The following LRMDA variants were observed in gnomAD, a reference collection of about 807,000 sequenced individuals.
LRMDA encodes the protein leucine rich melanocyte differentiation associated, also known as leucine-rich melanocyte differentiation-associated protein.
Under a neutral mutation model 29.8 loss-of-function variants are expected in LRMDA, and 18 were observed. That is an observed-to-expected ratio of 0.60 (90% CI 0.42 to 0.90). The LOEUF (loss-of-function observed/expected upper bound fraction) is 0.90, where lower values mean the gene tolerates loss of function less well. Ranked by LOEUF, LRMDA falls within the 40% of genes least tolerant of loss-of-function variation. The probability of loss-of-function intolerance (pLI) is 0.00; values close to 1 mark genes in which losing one functional copy is unlikely to be tolerated. For synonymous variants in LRMDA, 125 were observed against 109.4 expected, an observed-to-expected ratio of 1.14 and a Z score of -0.89; for missense variants, 273 against 273.9, an observed-to-expected ratio of 1.00 and a Z score of 0.02.
intron 5 of LRMDA, among the ~76,000 whole-genome samples, chr10:76,297,957 TA>T (rs1840432172): frequency 6.6e-6 from 1 of 152,232 alleles, no homozygotes; most frequent in African/African-American, 2.4e-5. Context: ...TTTACCTTTT[TA>T]AAATGCAGCC....
chr10:75,806,821 A>AC (rs1286238724), intron 2 of LRMDA, among the ~76,000 whole-genome samples: 2 of 127,962 alleles, frequency 1.6e-5, no homozygotes, highest in African/African-American at 2.5e-5. Flanking sequence ...AAAAAAAAAA[A>AC]AAAAAACCAC....
intron 2 of LRMDA, among the ~76,000 whole-genome samples, chr10:75,664,940 G>T (rs1285525935): frequency 6.6e-6 from 1 of 152,198 alleles, no homozygotes; most frequent in East Asian, 1.9e-4. Context: ...CCCAGCACCT[G>T]TTGGGGATTT....
intron 2 of LRMDA, among the ~76,000 whole-genome samples, chr10:75,819,045 T>C (rs1481608598): frequency 6.6e-6 from 1 of 152,220 alleles, no homozygotes; most frequent in Non-Finnish European, 1.5e-5. Flanking sequence ...AGGCAAATTT[T>C]AGAAAATGCT....
chr10:76,470,725 G>A (rs111908709), intron 6 of LRMDA, among the ~76,000 whole-genome samples: 234 of 152,088 alleles, frequency 1.5e-3, no homozygotes, highest in African/African-American at 5.3e-3. Context: ...ATAGAATAGA[G>A]GTTAACAAGG....
At chr10:75,563,709 G>A (rs1358833278) in intron 2 of LRMDA, among the ~76,000 whole-genome samples, 1 of 151,836 alleles carries the variant, frequency 6.6e-6, no homozygotes, top group Non-Finnish European at 1.5e-5. Context: ...TGGATTTTTG[G>A]TGTGGATGTC....
intron 6 of LRMDA, among the ~76,000 whole-genome samples, chr10:76,444,999 A>G (rs1589190423): frequency 6.6e-6 from 1 of 152,100 alleles, no homozygotes; most frequent in East Asian, 1.9e-4. Flanking sequence ...AGGTATTCCC[A>G]TCGTATGTGC....
chr10:75,629,402 G>A (rs991699744), intron 2 of LRMDA, among the ~76,000 whole-genome samples: 1 of 151,994 alleles, frequency 6.6e-6, no homozygotes, highest in Admixed American at 6.5e-5. Context: ...CCTCAACTTT[G>A]TAATTTTAAA....
intron 6 of LRMDA, among the ~76,000 whole-genome samples, chr10:76,337,118 C>T (rs1361772602): frequency 4.6e-5 from 7 of 152,112 alleles, no homozygotes. Context: ...TAACATATTC[C>T]ATAGCCTCCA....
intron 2 of LRMDA, among the ~76,000 whole-genome samples, chr10:75,921,774 A>T (rs955419152): frequency 6.6e-6 from 1 of 152,310 alleles, no homozygotes; most frequent in Non-Finnish European, 1.5e-5. Context: ...TATTTTCAAG[A>T]TCTAAAATTT....
intron 2 of LRMDA, among the ~76,000 whole-genome samples, chr10:75,591,891 C>T (rs1257807917): frequency 1.3e-5 from 2 of 151,884 alleles, no homozygotes; most frequent in African/African-American, 4.8e-5. Flanking sequence ...ACGTATCAGT[C>T]AATTCATAAA....
intron 6 of LRMDA, among the ~76,000 whole-genome samples, chr10:76,430,884 T>A (rs1411010407): frequency 6.6e-6 from 1 of 152,314 alleles, no homozygotes; most frequent in Non-Finnish European, 1.5e-5. Flanking sequence ...TTTCTGAGTA[T>A]TTTTTCCATT....
intron 2 of LRMDA, among the ~76,000 whole-genome samples, chr10:75,649,807 A>G (rs552820538): frequency 6.6e-6 from 1 of 152,280 alleles, no homozygotes; most frequent in Admixed American, 6.5e-5. Flanking sequence ...GTGTGTGATG[A>G]TGGCCATCTC....
intron 2 of LRMDA, among the ~76,000 whole-genome samples, chr10:75,635,442 A>G (rs1841379353): frequency 6.6e-6 from 1 of 151,832 alleles, no homozygotes; most frequent in Non-Finnish European, 1.5e-5. Context: ...GGTGGTTTCT[A>G]TTTTCAAAGT....
intron 6 of LRMDA, among the ~76,000 whole-genome samples, chr10:76,445,830 T>C (rs562200406): frequency 3.3e-5 from 5 of 152,296 alleles, no homozygotes; most frequent in Middle Eastern, 6.8e-3. Context: ...TTTTTAAAAA[T>C]TAAGAAGTAA....
chr10:75,836,582 TTG>T (rs1206932481), intron 2 of LRMDA, among the ~76,000 whole-genome samples: 1 of 152,202 alleles, frequency 6.6e-6, no homozygotes, highest in Non-Finnish European at 1.5e-5. Flanking sequence ...AGGTTAAATC[TTG>T]TGTTTTTTTA....
At chr10:76,037,045 A>C (rs988524060) in intron 3 of LRMDA, among the ~76,000 whole-genome samples, 5 of 152,344 alleles carry the variant, frequency 3.3e-5, no homozygotes, top group Admixed American at 3.3e-4. Context: ...GGAATGAGGC[A>C]TGGTGCTGGG....
At chr10:75,597,420 C>T (rs1467739702) in intron 2 of LRMDA, among the ~76,000 whole-genome samples, 41 of 152,192 alleles carry the variant, frequency 2.7e-4, no homozygotes, top group Non-Finnish European at 1.6e-4. Flanking sequence ...CCAGTCTAAA[C>T]ATCTTGCTTT....
Position 76,559,934 on chromosome 10 carries a change from A to G in LRMDA, c.*2646A>G, listed in dbSNP as rs1224863050. 1 of 152,236 alleles carries G rather than the reference A, an allele frequency of 6.6e-6. No homozygotes were observed. The highest frequency in any genetic ancestry group is 1.5e-5 in the Non-Finnish European group (1 of 68,046). 9.4% of individuals were successfully genotyped at this position (152,236 alleles called of 1,614,324 possible). ...TTTCCTAAGTAACATAATTTTAAAG[A>G]ACAATTTGTTCCTCAGGGAATAATG... On this transcript the variant is annotated 3_prime_UTR_variant, in exon 7 of 7. Transcript: ENST00000611255.
At chr10:76,119,252 TA>T (rs1166778301) in intron 5 of LRMDA, among the ~76,000 whole-genome samples, 2 of 152,050 alleles carry the variant, frequency 1.3e-5, no homozygotes, top group Non-Finnish European at 2.9e-5. Context: ...GACATCAAGC[TA>T]ATAGGCAAGA....
Sources: allele counts gnomAD v4.1 joint callset (sites outside exome capture counted in the v4.1 genomes callset), GRCh38; gene constraint gnomAD v4.1.1; transcripts MANE v1.5; gene names NCBI Gene and HGNC (gene_info 2026-07-23, HGNC 2026-07-21).